The following C2orf74 variants were observed in gnomAD, a reference collection of about 807,000 sequenced individuals.
C2orf74 encodes uncharacterized protein C2orf74.
In C2orf74, 14 loss-of-function variants were observed where a neutral mutation model predicts 17.9. That is an observed-to-expected ratio of 0.78 (90% CI 0.52 to 1.22). The LOEUF (loss-of-function observed/expected upper bound fraction) is 1.22. C2orf74 is among the 50% of genes most tolerant of loss of function. The pLI, the probability that C2orf74 is intolerant of heterozygous loss-of-function variation, is 0.00. For missense variants in C2orf74, 217 were observed against 218.4 expected, an observed-to-expected ratio of 0.99 and a Z score of 0.04; for synonymous variants, 79 against 72.6, an observed-to-expected ratio of 1.09 and a Z score of -0.44.
At chr2:61,162,390 A>G (rs1325632840) in intron 1 of C2orf74, 26 bp from the exon 2 acceptor site, 3 of 723,710 alleles carry the variant, frequency 4.1e-6, no homozygotes, top group Non-Finnish European at 6.9e-6. Flanking sequence ...AACAAAGAAA[A>G]CAGCTTTTTA....
rs1178808985 is a variant in C2orf74 at position 61,163,073 on chromosome 2, C to T, written c.231C>T (p.Asn77=). ...CTAGGATCTTAATGCAAGTCATGAA[C>T]TTGAATGTGCCGATGAGGCCTGGCA... is the stretch of plus-strand genomic sequence containing the variant. ...DHERILMQVM[N]LNVPMRPGIL... Residue 77 remains asparagine, a synonymous_variant, in exon 4 of 5, where the codon AAC becomes AAT. Coordinates refer to ENST00000432605, the MANE Select transcript of C2orf74 (RefSeq NM_001143959.4). 1 of 1,552,098 alleles carries T rather than the reference C, an allele frequency of 6.4e-7. No individual in the cohort carries two copies.
At chr2:61,160,359 C>A (rs1005046780), upstream of C2orf74, among the ~76,000 whole-genome samples, 19 of 152,144 alleles carry the variant, frequency 1.2e-4, no homozygotes, top group African/African-American at 4.6e-4. Flanking sequence ...TGGGGTTTCA[C>A]CATGTTGGCC....
intron 1 of C2orf74, among the ~76,000 whole-genome samples, chr2:61,149,873 G>A (rs1729653): frequency 0.42 from 63,444 of 151,832 alleles, 13,486 homozygotes; most frequent in Middle Eastern, 0.5. Flanking sequence ...GCCACCGCAC[G>A]TAGATGATAC....
intron 4 of C2orf74, among the ~76,000 whole-genome samples, chr2:61,164,087 C>G (rs1435434727): frequency 2.0e-5 from 3 of 152,100 alleles, no homozygotes; most frequent in African/African-American, 7.3e-5. Context: ...CGGTTGACGA[C>G]AGAATGATGG....
intron 1 of C2orf74, among the ~76,000 whole-genome samples, chr2:61,149,080 C>T (rs1025426913): frequency 1.2e-4 from 18 of 152,258 alleles, no homozygotes; most frequent in African/African-American, 4.3e-4. Flanking sequence ...CAAACATGAG[C>T]GCAGATGAGC....
chr2:61,164,523 A>T lies in C2orf74; in HGVS notation c.560A>T (p.Lys187Ile). 1 of 1,517,096 alleles carries T rather than the reference A, an allele frequency of 6.6e-7. No homozygotes were observed. Among genetic ancestry groups the T allele is most frequent in the Non-Finnish European group, 8.8e-7 (1 of 1,132,666 alleles). 94.0% of individuals were successfully genotyped at this position (1,517,096 alleles called of 1,614,324 possible). A position where few individuals can be genotyped will look rare whatever the true frequency, so the allele number is the denominator to read the frequency against. Reference sequence around the variant, plus strand: ...TATACTCGAGAACATAAAGAGAGGAAATGAAGCTCAAAAAAGGGTAAGAGT... The same window carrying T: ...TATACTCGAGAACATAAAGAGAGGATATGAAGCTCAAAAAAGGGTAAGAGT... ...RSYTREHKER[K>I] Residue 187 changes from lysine to isoleucine, a missense_variant, in exon 5 of 5, where the codon AAA becomes ATA. Lys to Ile is a moderately radical substitution (Grantham distance 102, BLOSUM62 -3). Coordinates refer to ENST00000432605, the MANE Select transcript of C2orf74 (RefSeq NM_001143959.4).
At chr2:61,148,449 A>C (rs1287989723) in intron 1 of C2orf74, among the ~76,000 whole-genome samples, 3 of 152,020 alleles carry the variant, frequency 2.0e-5, no homozygotes, top group Non-Finnish European at 4.4e-5. Context: ...AGCCTCCCAA[A>C]ATGCTGGGAT....
At chr2:61,154,189 A>G (rs1054022502) in intron 1 of C2orf74, among the ~76,000 whole-genome samples, 33 of 151,614 alleles carry the variant, frequency 2.2e-4, no homozygotes, top group Non-Finnish European at 4.1e-4. Context: ...AGCCAACATC[A>G]TGCCATTGCA....
In C2orf74 at chr2:61,162,595, T is replaced by C. The variant is rs1232799453; in HGVS notation, c.81T>C (p.Val27=). 1 of 1,541,192 alleles carries C rather than the reference T, an allele frequency of 6.5e-7. No homozygotes were observed. Among genetic ancestry groups the C allele is most frequent in the East Asian group, 2.4e-5 (1 of 41,002 alleles). Residue 27 remains valine (V), a synonymous_variant, in exon 2 of 5, where the codon GTT becomes GTC. Coordinates refer to ENST00000432605, the MANE Select transcript of C2orf74 (RefSeq NM_001143959.4). ...TTTGCATCCTCCTCTTATTGGTGGTTTTTTTATATAAATGGTATAAATCCA... is the reference window on the plus strand; with the variant it reads ...TTTGCATCCTCCTCTTATTGGTGGTCTTTTTATATAAATGGTATAAATCCA... ...CLICILLLLV[V]FLYKCFQGRK...
In C2orf74 at chr2:61,164,516, GA is replaced by G; in HGVS notation, c.554del (p.Glu185GlyfsTer19). On this transcript the variant is annotated frameshift_variant, in exon 5 of 5. Coordinates refer to ENST00000432605, the MANE Select transcript of C2orf74 (RefSeq NM_001143959.4). LOFTEE classifies it high-confidence loss of function. ...TCGAAGCTATACTCGAGAACATAAA[GA>G]GAGGAAATGAAGCTCAAAAAAGGGT... ...TPRSYTREHK[E>X]RK 6.6e-7 allele frequency: 1 copy of G among 1,522,240 alleles called. No homozygotes were observed. The highest frequency in any genetic ancestry group is 8.8e-7 in the Non-Finnish European group (1 of 1,135,238). 94.3% of individuals were successfully genotyped at this position (1,522,240 alleles called of 1,614,324 possible). A position where few individuals can be genotyped will look rare whatever the true frequency, so the allele number is the denominator to read the frequency against.
In C2orf74 at chr2:61,164,609, C is replaced by A; in HGVS notation, c.*82C>A. 8.9e-7 allele frequency: 1 copy of A among 1,117,426 alleles called. No individual in the cohort carries two copies. Among genetic ancestry groups the A allele is most frequent in the South Asian group, 2.5e-5 (1 of 39,876 alleles). The allele number at this position is 1,117,426 out of a possible 1,614,324, so 69.2% of individuals were successfully genotyped here. A position where few individuals can be genotyped will look rare whatever the true frequency, so the allele number is the denominator to read the frequency against. On this transcript the variant is annotated 3_prime_UTR_variant, in exon 5 of 5. Coordinates refer to ENST00000432605, the MANE Select transcript of C2orf74 (RefSeq NM_001143959.4). ...CTGAGGGTACAAAATCATGTTGAAACAACAAAACAATGGGGAATTAAGCAA... is the reference window on the plus strand; with the variant it reads ...CTGAGGGTACAAAATCATGTTGAAAAAACAAAACAATGGGGAATTAAGCAA...
intron 1 of C2orf74, among the ~76,000 whole-genome samples, chr2:61,153,764 C>T (rs1372598776): frequency 6.6e-6 from 1 of 151,302 alleles, no homozygotes; most frequent in Non-Finnish European, 1.5e-5. Flanking sequence ...TGGTGCACAC[C>T]TGTAATCCCA....
chr2:61,153,993 C>CTT (rs1685319552), intron 1 of C2orf74, among the ~76,000 whole-genome samples: 1 of 152,230 alleles, frequency 6.6e-6, no homozygotes, highest in South Asian at 2.1e-4. Flanking sequence ...AATCCCAGCA[C>CTT]TTTAAGAGGC....
At chr2:61,157,821 C>T, upstream of C2orf74, 1 of 465,820 alleles carries the variant, frequency 2.1e-6, no homozygotes, top group South Asian at 1.6e-5. Flanking sequence ...TTTGAGCGTG[C>T]TCACTCATCC....
chr2:61,164,023 C>G (rs1055921562), intron 4 of C2orf74, among the ~76,000 whole-genome samples: 2 of 152,096 alleles, frequency 1.3e-5, no homozygotes, highest in Non-Finnish European at 2.9e-5. Flanking sequence ...AGCTCTGTGT[C>G]TGCGATTCCC....
chr2:61,147,580 C>A (rs952024340), intron 1 of C2orf74, among the ~76,000 whole-genome samples: 6 of 152,148 alleles, frequency 3.9e-5, no homozygotes, highest in African/African-American at 1.4e-4. Flanking sequence ...CTTTGCATTT[C>A]TGTGATAATT....
chr2:61,149,284 G>A (rs1685154315), intron 1 of C2orf74, among the ~76,000 whole-genome samples: 1 of 152,180 alleles, frequency 6.6e-6, no homozygotes, highest in South Asian at 2.1e-4. Context: ...CAGTATGTAG[G>A]AGGAAGGGTG....
At chr2:61,154,832 A>G (rs1001149622) in intron 1 of C2orf74, among the ~76,000 whole-genome samples, 7 of 152,060 alleles carry the variant, frequency 4.6e-5, no homozygotes. Flanking sequence ...AGGTAGGCGG[A>G]TCGCTTGAGG....
intron 2 of C2orf74, 54 bp downstream of exon 2, chr2:61,162,663 T>C (rs1685597478): frequency 1.7e-6 from 2 of 1,185,332 alleles, no homozygotes; most frequent in Admixed American, 4.3e-5. Flanking sequence ...TTAGCAAATG[T>C]GTATAGAAAT....
Sources: allele counts gnomAD v4.1 joint callset (sites outside exome capture counted in the v4.1 genomes callset), GRCh38; gene constraint gnomAD v4.1.1; transcripts MANE v1.5; gene names NCBI Gene and HGNC (gene_info 2026-07-23, HGNC 2026-07-21).